PRKG1: variants seen among roughly 807,000 people sequenced by gnomAD.
PRKG1 encodes the protein cGMP-dependent protein kinase 1.
PRKG1 carries 35 observed loss-of-function variants against 88.1 expected under a neutral mutation model. The ratio of observed to expected loss-of-function variants is 0.40; its 90% CI spans 0.30 to 0.53. The LOEUF (loss-of-function observed/expected upper bound fraction) is 0.53. PRKG1 is among the 20% of genes least tolerant of loss of function. The pLI, the probability that PRKG1 is intolerant of heterozygous loss-of-function variation, is 0.59. For synonymous variants in PRKG1, 303 were observed against 292.5 expected, an observed-to-expected ratio of 1.04 and a Z score of -0.37; for missense variants, 540 against 839.8, an observed-to-expected ratio of 0.64 and a Z score of 4.41.
chr10:51,931,733 T>G (rs2339895), intron 5 of PRKG1, among the ~76,000 whole-genome samples: 25,574 of 152,136 alleles, frequency 0.17, 3,113 homozygotes, highest in African/African-American at 0.34. Context: ...CAAGAAATAA[T>G]TTTGCATATT....
At chr10:51,058,814 T>A (rs928695679) in intron 1 of PRKG1, among the ~76,000 whole-genome samples, 2 of 152,162 alleles carry the variant, frequency 1.3e-5, no homozygotes, top group Admixed American at 1.3e-4. Context: ...GCTACAAATC[T>A]TCTGAAATAG....
intron 2 of PRKG1, among the ~76,000 whole-genome samples, chr10:51,447,454 A>G (rs1839307488): frequency 6.6e-6 from 1 of 152,072 alleles, no homozygotes; most frequent in Admixed American, 6.6e-5. Flanking sequence ...TAGATATATA[A>G]GAAAGAGTTC....
chr10:52,122,863 A>T (rs1847851471), intron 7 of PRKG1, among the ~76,000 whole-genome samples: 1 of 152,236 alleles, frequency 6.6e-6, no homozygotes, highest in Non-Finnish European at 1.5e-5. Flanking sequence ...GAATGAATTC[A>T]TTCAAATGTG....
At chr10:52,202,659 C>CT (rs766522806) in intron 9 of PRKG1, among the ~76,000 whole-genome samples, 1,526 of 145,030 alleles carry the variant, frequency 0.011, 20 homozygotes, top group African/African-American at 0.031. Context: ...TCCACCTGGG[C>CT]TTTTTTTTTT....
intron 5 of PRKG1, among the ~76,000 whole-genome samples, chr10:51,968,820 CAA>C (rs56810665): frequency 0.14 from 14,731 of 105,482 alleles, 1,764 homozygotes; most frequent in African/African-American, 0.34. Flanking sequence ...AAAACTCCAT[CAA>C]AAAAAAAAAA....
chr10:51,856,985 A>AG (rs1280538782), intron 4 of PRKG1, among the ~76,000 whole-genome samples: 122 of 150,868 alleles, frequency 8.1e-4, no homozygotes, highest in Middle Eastern at 3.4e-3. Flanking sequence ...GAAAAAAAAA[A>AG]AAAGAAAGAA....
At chr10:51,590,176 GCTACAAACATATCCA>G (rs1838274949) in intron 3 of PRKG1, among the ~76,000 whole-genome samples, 1 of 152,162 alleles carries the variant, frequency 6.6e-6, no homozygotes, top group Non-Finnish European at 1.5e-5. Context: ...TTCAGCATCT[GCTACAAACATATCCA>G]AGAAGTCAAA....
chr10:52,132,977 A>T (rs183008470), intron 7 of PRKG1, among the ~76,000 whole-genome samples: 2 of 152,222 alleles, frequency 1.3e-5, no homozygotes, highest in Admixed American at 1.3e-4. Flanking sequence ...AAGTTATTTA[A>T]AAATATACAA....
chr10:51,278,565 C>T (rs1840199290), intron 2 of PRKG1, among the ~76,000 whole-genome samples: 1 of 152,146 alleles, frequency 6.6e-6, no homozygotes, highest in African/African-American at 2.4e-5. Flanking sequence ...TAGAATTCGG[C>T]TGTGAATCCA....
chr10:52,103,079 G>C (rs1056558389), intron 7 of PRKG1, among the ~76,000 whole-genome samples: 2 of 151,928 alleles, frequency 1.3e-5, no homozygotes, highest in Admixed American at 6.6e-5. Flanking sequence ...CTGCACATGC[G>C]AGGGATCTAG....
chr10:51,672,654 A>G (rs1027900457), intron 3 of PRKG1, among the ~76,000 whole-genome samples: 13 of 152,174 alleles, frequency 8.5e-5, no homozygotes, highest in African/African-American at 3.1e-4. Context: ...TTGTGAAATC[A>G]CAATTGACCT....
chr10:51,002,639 T>TGCC (rs1415347028), intron 1 of PRKG1, among the ~76,000 whole-genome samples: 1 of 152,194 alleles, frequency 6.6e-6, no homozygotes, highest in Non-Finnish European at 1.5e-5. Context: ...AGCCTTCCTG[T>TGCC]AAAAGGCTAT....
At chr10:52,143,218 C>G (rs1290877907) in intron 8 of PRKG1, among the ~76,000 whole-genome samples, 1 of 152,168 alleles carries the variant, frequency 6.6e-6, no homozygotes, top group Non-Finnish European at 1.5e-5. Flanking sequence ...TGCCACCCCC[C>G]AGCCTTCCCC....
chr10:52,270,055 G>GA (rs1841676656), intron 10 of PRKG1, among the ~76,000 whole-genome samples: 1 of 152,008 alleles, frequency 6.6e-6, no homozygotes, highest in African/African-American at 2.4e-5. Flanking sequence ...AAAATCTCCT[G>GA]AAAAAATCTT....
At chr10:51,531,955 TA>T (rs1491099027) in intron 3 of PRKG1, among the ~76,000 whole-genome samples, 1 of 152,090 alleles carries the variant, frequency 6.6e-6, no homozygotes, top group East Asian at 1.9e-4. Context: ...AGAATTTTTT[TA>T]AAAAAATGAC....
chr10:51,937,175 A>C (rs186808935), intron 5 of PRKG1, among the ~76,000 whole-genome samples: 25 of 152,116 alleles, frequency 1.6e-4, no homozygotes, highest in African/African-American at 6.0e-4. Context: ...GGTTTTCCAG[A>C]CCACTTCATA....
At chr10:52,169,076 G>T (rs1838582992) in intron 9 of PRKG1, among the ~76,000 whole-genome samples, 1 of 152,010 alleles carries the variant, frequency 6.6e-6, no homozygotes, top group African/African-American at 2.4e-5. Context: ...ATGGCACTGA[G>T]GATTGATTCT....
At chr10:51,369,862 A>G (rs117284594) in intron 2 of PRKG1, among the ~76,000 whole-genome samples, 251 of 152,230 alleles carry the variant, frequency 1.6e-3, no homozygotes, top group South Asian at 6.2e-3. Context: ...AAAAATATCC[A>G]TCTACACTAA....
rs1303422179 is a variant in PRKG1, at chr10:51,126,137, T to TTA, written c.312-27019_312-27018dup. On this transcript the variant is annotated intron_variant, in intron 1 of 17. Transcript: ENST00000373980. ...TATATAATTATATTTAATTTTATAA[T>TTA]TATATATATTATATAATTTTTTATA... is the stretch of plus-strand genomic sequence containing the variant. 3.6e-3 allele frequency among the ~76,000 whole-genome samples: 430 copies of TTA among 118,820 alleles called. 5 individuals are homozygous for TTA. The highest frequency in any genetic ancestry group is 0.014 in the African/African-American group (403 of 29,178). 78.0% of individuals were successfully genotyped at this position (118,820 alleles called of 152,430 possible).
Sources: allele counts gnomAD v4.1 joint callset (sites outside exome capture counted in the v4.1 genomes callset), GRCh38; gene constraint gnomAD v4.1.1; transcripts MANE v1.5; gene names NCBI Gene and HGNC (gene_info 2026-07-23, HGNC 2026-07-21).